The following CNTN5 variants were observed in gnomAD, a reference collection of about 807,000 sequenced individuals.
The protein encoded by CNTN5 is contactin 5.
A neutral mutation model predicts 129.1 loss-of-function variants in CNTN5; 77 were observed. That is an observed-to-expected ratio of 0.60 (90% CI 0.50 to 0.72). The LOEUF is 0.72. CNTN5 is among the 30% of genes least tolerant of loss of function. The pLI, the probability that CNTN5 is intolerant of heterozygous loss-of-function variation, is 0.00. For synonymous variants in CNTN5, 509 were observed against 465.6 expected, an observed-to-expected ratio of 1.09 and a Z score of -1.20; for missense variants, 1,478 against 1,328.8, an observed-to-expected ratio of 1.11 and a Z score of -1.75.
chr11:99,876,340 GAT>G (rs1367482029), intron 6 of CNTN5, among the ~76,000 whole-genome samples: 2 of 152,062 alleles, frequency 1.3e-5, no homozygotes, highest in Non-Finnish European at 2.9e-5. Flanking sequence ...CCTTTGTACT[GAT>G]ATATGCCCCT....
intron 16 of CNTN5, among the ~76,000 whole-genome samples, chr11:100,234,845 C>A (rs1591421225): frequency 6.7e-6 from 1 of 148,640 alleles, no homozygotes; most frequent in Non-Finnish European, 1.5e-5. Context: ...AAATAAAATG[C>A]CACCAGGAAA....
chr11:100,304,451 G>A (rs2138908575), intron 20 of CNTN5, among the ~76,000 whole-genome samples: 1 of 151,700 alleles, frequency 6.6e-6, no homozygotes, highest in South Asian at 2.1e-4. Flanking sequence ...GACTGAGAAG[G>A]AGCTGTGCAG....
intron 6 of CNTN5, among the ~76,000 whole-genome samples, chr11:99,911,908 T>A (rs17134658): frequency 6.6e-6 from 1 of 151,894 alleles, no homozygotes; most frequent in East Asian, 1.9e-4. Context: ...AGAGTCAAAT[T>A]TGTAGCCAAC....
intron 16 of CNTN5, among the ~76,000 whole-genome samples, chr11:100,233,590 G>A (rs1467257721): frequency 6.6e-6 from 1 of 152,092 alleles, no homozygotes; most frequent in African/African-American, 2.4e-5. Flanking sequence ...TTACACCTTG[G>A]CCTAAATGAC....
intron 13 of CNTN5, among the ~76,000 whole-genome samples, chr11:100,105,867 C>A (rs372828743): frequency 6.6e-6 from 1 of 152,180 alleles, no homozygotes; most frequent in African/African-American, 2.4e-5. Context: ...GTCTTTCACA[C>A]ATGCAAGTTC....
intron 2 of CNTN5, among the ~76,000 whole-genome samples, chr11:99,441,102 G>C (rs1353697685): frequency 6.6e-6 from 1 of 152,156 alleles, no homozygotes; most frequent in East Asian, 1.9e-4. Context: ...TTACAGGTAT[G>C]AGCCACCCCA....
intron 6 of CNTN5, among the ~76,000 whole-genome samples, chr11:99,870,191 G>A (rs1948465760): frequency 6.6e-6 from 1 of 152,096 alleles, no homozygotes; most frequent in Non-Finnish European, 1.5e-5. Context: ...GCATGAAGAA[G>A]AAGAAAGACG....
intron 1 of CNTN5, among the ~76,000 whole-genome samples, chr11:99,027,971 G>A (rs1033037147): frequency 8.6e-5 from 13 of 151,620 alleles, no homozygotes; most frequent in African/African-American, 2.9e-4. Flanking sequence ...ACCCCAGTTT[G>A]CAAATAAAAT....
In CNTN5 at chr11:99,923,757, GTCTATCTATCTA is replaced by G. The variant is rs11271049; in HGVS notation, c.673+7648_673+7659del. On this transcript the variant is annotated intron_variant, in intron 7 of 24. Coordinates refer to ENST00000524871, the MANE Select transcript of CNTN5 (RefSeq NM_014361.4). The stretch of plus-strand genomic sequence containing the variant: ...ATCTGTCTATCTAATCTATCTGTCT[GTCTATCTATCTA>G]TCTATCTATCTATCTATCTATCTAT... 8.5e-3 allele frequency among the ~76,000 whole-genome samples: 1,199 copies of G among 140,698 alleles called. 10 individuals carry two copies. The highest frequency in any genetic ancestry group is 0.021 in the African/African-American group (788 of 36,766). The allele number at this position is 140,698 out of a possible 152,430, so 92.3% of individuals were successfully genotyped here.
At chr11:100,246,596 G>A (rs1949845877) in intron 16 of CNTN5, among the ~76,000 whole-genome samples, 1 of 151,948 alleles carries the variant, frequency 6.6e-6, no homozygotes, top group East Asian at 1.9e-4. Flanking sequence ...GTTACTAAGA[G>A]TCTATTCATT....
At position 99,113,316 on chromosome 11, in the gene CNTN5, T is replaced by A. The variant is rs184026649; in HGVS notation, c.-210+92046T>A. Among the ~76,000 whole-genome samples, 310 of 152,220 alleles carry A rather than the reference T, an allele frequency of 2.0e-3. 2 individuals carry two copies. The highest frequency in any genetic ancestry group is 7.1e-3 in the African/African-American group (294 of 41,562). On this transcript the variant is annotated intron_variant, in intron 1 of 24. Coordinates refer to ENST00000524871, the MANE Select transcript of CNTN5 (RefSeq NM_014361.4). ...CTTCTCAAACCTATTTTCTATATTA[T>A]AACTTCCATTATTTATATGAGTTGT...
chr11:99,861,130 T>G (rs1322944095), intron 6 of CNTN5, among the ~76,000 whole-genome samples: 1 of 151,932 alleles, frequency 6.6e-6, no homozygotes, highest in Non-Finnish European at 1.5e-5. Flanking sequence ...TAATTTTTTT[T>G]GCATTTTTAG....
chr11:100,336,101 T>C (rs1952033751), intron 21 of CNTN5, among the ~76,000 whole-genome samples: 1 of 152,232 alleles, frequency 6.6e-6, no homozygotes, highest in Admixed American at 6.5e-5. Context: ...AGAGATTCAC[T>C]GGTGAACTAA....
chr11:99,226,139 A>G (rs941671096), intron 1 of CNTN5, among the ~76,000 whole-genome samples: 5 of 152,204 alleles, frequency 3.3e-5, no homozygotes, highest in Non-Finnish European at 5.9e-5. Context: ...TGGTTTTAAA[A>G]TATGGCTATA....
At chr11:99,266,555 T>C (rs1341636067) in intron 1 of CNTN5, among the ~76,000 whole-genome samples, 3 of 152,070 alleles carry the variant, frequency 2.0e-5, no homozygotes, top group African/African-American at 7.2e-5. Context: ...TGAGTAATCA[T>C]TGCACCACGG....
At chr11:99,384,702 A>G (rs1940814399) in intron 2 of CNTN5, among the ~76,000 whole-genome samples, 1 of 152,208 alleles carries the variant, frequency 6.6e-6, no homozygotes, top group South Asian at 2.1e-4. Context: ...AACCTGATTA[A>G]ACTTTATTCT....
At chr11:99,164,467 A>G (rs1860780275) in intron 1 of CNTN5, among the ~76,000 whole-genome samples, 1 of 152,164 alleles carries the variant, frequency 6.6e-6, no homozygotes, top group Non-Finnish European at 1.5e-5. Context: ...ATTTAGAATA[A>G]ACTGTAATAT....
chr11:99,286,036 TG>T (rs1863924184), intron 1 of CNTN5, among the ~76,000 whole-genome samples: 1 of 76,604 alleles, frequency 1.3e-5, no homozygotes. Flanking sequence ...AGACTCCATC[TG>T]GAGAAAAAAA....
At chr11:99,408,172 A>G (rs1159540198) in intron 2 of CNTN5, among the ~76,000 whole-genome samples, 1 of 151,760 alleles carries the variant, frequency 6.6e-6, no homozygotes, top group Non-Finnish European at 1.5e-5. Flanking sequence ...CCTCCTTTTA[A>G]TTTCACTGGC....
Sources: gnomAD v4.1 joint callset for allele counts (sites outside exome capture counted in the v4.1 genomes callset) on GRCh38, gnomAD v4.1.1 for gene constraint, MANE v1.5 for transcripts, NCBI Gene and HGNC (gene_info 2026-07-23, HGNC 2026-07-21) for gene names.